The following VWF variants were observed in gnomAD, a reference collection of about 807,000 sequenced individuals.
VWF encodes the protein Factor VIII related antigen.
A neutral mutation model predicts 308.6 loss-of-function variants in VWF; 176 were observed. The ratio of observed to expected loss-of-function variants is 0.57; its 90% CI spans 0.50 to 0.65. The LOEUF (loss-of-function observed/expected upper bound fraction) is 0.65, where lower values mean the gene tolerates loss of function less well. VWF is among the 30% of genes least tolerant of loss of function. The probability of loss-of-function intolerance (pLI) is 0.00; values close to 1 mark genes in which losing one functional copy is unlikely to be tolerated. For synonymous variants in VWF, 1,385 were observed against 1,443.4 expected (o/e 0.96, Z 0.92); for missense variants, 3,146 against 3,648.2 (o/e 0.86, Z 3.55).
intron 25 of VWF, among the ~76,000 whole-genome samples, chr12:6,023,134 C>T (rs1031155763): frequency 2.6e-5 from 4 of 152,108 alleles, no homozygotes; most frequent in African/African-American, 9.7e-5. Flanking sequence ...GTTGCCCAGG[C>T]TGGTCTTGAA....
At chr12:6,068,832 T>TGCGTG (rs1565851315) in intron 10 of VWF, among the ~76,000 whole-genome samples, 1 of 101,080 alleles carries the variant, frequency 9.9e-6, no homozygotes, top group African/African-American at 5.6e-5. Context: ...TTTTTTTTTT[T>TGCGTG]TGCGTGTGTG....
intron 8 of VWF, among the ~76,000 whole-genome samples, chr12:6,073,294 C>T (rs555030581): frequency 2.6e-5 from 4 of 152,248 alleles, no homozygotes; most frequent in African/African-American, 7.2e-5. Flanking sequence ...TTTCCCAGAT[C>T]GGTTCCCTGA....
rs769666818 is a variant in VWF, at chr12:6,057,967, G to A, written c.1611C>T (p.Thr537=). 2.5e-6 allele frequency: 4 copies of A among 1,613,726 alleles called. No homozygotes were observed. In the South Asian group the frequency reaches 3.3e-5, roughly 13 times the overall value. The change falls in exon 14 of 52, where the codon ACC becomes ACT. Residue 537 remains threonine, a synonymous_variant. Transcript: ENST00000261405. ...CCCGGGGCTCCGCCAGCCCAGAGGG[G>A]GTAAGGAAGTCGTCGCCCTGGTTGC... is the stretch of plus-strand genomic sequence containing the variant. ...YNGNQGDDFL[T]PSGLAEPRVE...
Position 5,971,621 on chromosome 12 carries a change from TCC to T in VWF, c.7524_7525del (p.Asp2509LeufsTer23), listed in dbSNP as rs1591836930. On this transcript the variant is annotated frameshift_variant, in exon 44 of 52. Coordinates refer to ENST00000261405, the MANE Select transcript of VWF (RefSeq NM_000552.5). LOFTEE classifies it high-confidence loss of function. ...TACACTCTTCCAGGAAGACTGGGAG[TCC>T]CCCCGCGGTGAGCCAGTCACCACCT... 5 of 1,613,334 alleles carry T rather than the reference TCC, an allele frequency of 3.1e-6. No individual in the cohort carries two copies. The highest frequency in any genetic ancestry group is 4.2e-6 in the Non-Finnish European group (5 of 1,179,820).
rs28365811 is a variant in VWF at position 5,967,857 on chromosome 12, C to T, written c.7771-255G>A. On this transcript the variant is annotated intron_variant, in intron 46 of 51. Coordinates refer to ENST00000261405, the MANE Select transcript of VWF (RefSeq NM_000552.5). Reference sequence around the variant, plus strand: ...GGACAAACTAAAACGTGCACAATGACTTCAGAGTGCTTCTCTGCACACAGA... The same window carrying T: ...GGACAAACTAAAACGTGCACAATGATTTCAGAGTGCTTCTCTGCACACAGA... Among the ~76,000 whole-genome samples the T allele has an allele frequency of 3.4e-4, 52 of 152,320 alleles. No individual in the cohort carries two copies. The East Asian group carries it at 9.3e-3, about 27-fold the overall frequency.
chr12:6,043,897 G>A (rs542140303), intron 18 of VWF, among the ~76,000 whole-genome samples: 33 of 152,296 alleles, frequency 2.2e-4, no homozygotes, highest in Admixed American at 6.5e-4. Flanking sequence ...ATGCATATAC[G>A]TCAATCATAT....
At chr12:6,006,293 C>T (rs1181626538) in intron 34 of VWF, among the ~76,000 whole-genome samples, 5 of 151,682 alleles carry the variant, frequency 3.3e-5, no homozygotes, top group Non-Finnish European at 5.9e-5. Flanking sequence ...CTCATCATTA[C>T]CCAAAAAAAT....
At chr12:5,978,198 AT>A (rs1943552906) in intron 42 of VWF, among the ~76,000 whole-genome samples, 1 of 151,548 alleles carries the variant, frequency 6.6e-6, no homozygotes, top group Non-Finnish European at 1.5e-5. Flanking sequence ...AAAACCTAGT[AT>A]TTACACAAAT....
chr12:6,044,556 T>G (rs1944428224), intron 17 of VWF, 105 bp from the exon 18 acceptor site: 1 of 1,441,088 alleles, frequency 6.9e-7, no homozygotes, highest in African/African-American at 1.4e-5. Context: ...TTCAAGAGAC[T>G]CAGAGTTGCC....
chr12:5,993,662 T>TACAC (rs1215654297), intron 37 of VWF, among the ~76,000 whole-genome samples, 200 bp downstream of exon 37: 12,281 of 144,232 alleles, frequency 0.085, 1,046 homozygotes, highest in East Asian at 0.37. Flanking sequence ...TATATATATA[T>TACAC]ATACACACAC....
chr12:6,110,464 C>T lies in VWF; in HGVS notation c.442G>A (p.Val148Ile). 6.2e-7 allele frequency: 1 copy of T among 1,614,184 alleles called. No individual in the cohort carries two copies. The highest frequency in any genetic ancestry group is 1.1e-5 in the South Asian group (1 of 91,082). The part of the protein sequence containing the change: ...ARIDGSGNFQ[V>I]LLSDRYFNKT... ...TTGAAGTATCTGTCTGACAGCAGGA[C>T]TTGAAAGTTGCCGCTGCCATCGATC... Residue 148 changes from valine to isoleucine, a missense_variant, in exon 5 of 52, where the codon GTC (valine) becomes ATC (isoleucine). This residue lies in a region of VWF where 1,304 missense variants were observed against 1,353.0 expected (regional missense o/e 0.96). Transcript: ENST00000261405.
chr12:6,053,055 A>G (rs1212724218), intron 15 of VWF, among the ~76,000 whole-genome samples: 1 of 152,200 alleles, frequency 6.6e-6, no homozygotes, highest in African/African-American at 2.4e-5. Flanking sequence ...TTCAGCATGC[A>G]GATATGTATT....
At position 6,057,480 on chromosome 12, in the gene VWF, T is replaced by TTTATTATTATTA. The variant is rs10667650; in HGVS notation, c.1729+357_1729+368dup. ...GGCGCGCCCCACCACGCCCGGCAAA[T>TTTATTATTATTA]TTATTATTATTATTATTATTATTAT... On this transcript the variant is annotated intron_variant, in intron 14 of 51. Transcript: ENST00000261405. Among the ~76,000 whole-genome samples, 654 of 129,544 alleles carry TTTATTATTATTA rather than the reference T, an allele frequency of 5.0e-3. 4 individuals carry two copies. The highest frequency in any genetic ancestry group is 0.023 in the Middle Eastern group (6 of 266). 85.0% of individuals were successfully genotyped at this position (129,544 alleles called of 152,430 possible). A position where few individuals can be genotyped will look rare whatever the true frequency, so the allele number is the denominator to read the frequency against.
At chr12:5,973,904 G>C (rs942916580) in intron 43 of VWF, among the ~76,000 whole-genome samples, 1 of 152,084 alleles carries the variant, frequency 6.6e-6, no homozygotes, top group African/African-American at 2.4e-5. Flanking sequence ...TCTCACTATG[G>C]ACATGGAAGC....
At chr12:6,108,290 T>C (rs1945265499) in intron 5 of VWF, among the ~76,000 whole-genome samples, 1 of 141,144 alleles carries the variant, frequency 7.1e-6, no homozygotes, top group Non-Finnish European at 1.5e-5. Flanking sequence ...CAAGACTCTG[T>C]CTTTAAAAAA....
intron 47 of VWF, among the ~76,000 whole-genome samples, chr12:5,964,460 A>C (rs1283084952): frequency 6.6e-6 from 1 of 152,208 alleles, no homozygotes; most frequent in Non-Finnish European, 1.5e-5. Flanking sequence ...TTTTTTAAAG[A>C]ATCAATTTAG....
At chr12:6,040,176 G>A (rs1048275020) in intron 18 of VWF, among the ~76,000 whole-genome samples, 2 of 152,132 alleles carry the variant, frequency 1.3e-5, no homozygotes, top group African/African-American at 2.4e-5. Context: ...GGGTGAGCAG[G>A]GCAGTGAGTT....
intron 22 of VWF, among the ~76,000 whole-genome samples, chr12:6,026,984 C>A (rs1470822063): frequency 1.3e-5 from 2 of 151,610 alleles, no homozygotes; most frequent in African/African-American, 2.4e-5. Flanking sequence ...TATACTTTTA[C>A]AATATACTTA....
intron 9 of VWF, 79 bp downstream of exon 9, chr12:6,072,252 C>T: frequency 1.5e-6 from 2 of 1,352,500 alleles, no homozygotes; most frequent in Non-Finnish European, 2.1e-6. Flanking sequence ...TTTCCACCTG[C>T]CACCACCCCT....
Sources: allele counts gnomAD v4.1 joint callset (sites outside exome capture counted in the v4.1 genomes callset), GRCh38; gene constraint gnomAD v4.1.1; regional missense constraint gnomAD v4.1.1; transcripts MANE v1.5; gene names NCBI Gene and HGNC (gene_info 2026-07-23, HGNC 2026-07-21).